LRRTM4: variants seen among roughly 807,000 people sequenced by gnomAD.
LRRTM4 encodes leucine-rich repeat transmembrane neuronal protein 4.
A neutral mutation model predicts 47.6 loss-of-function variants in LRRTM4; 25 were observed. The ratio of observed to expected loss-of-function variants is 0.53; its 90% CI spans 0.38 to 0.73. The LOEUF is 0.73. LRRTM4 is among the 30% of genes least tolerant of loss of function. LRRTM4 has a pLI of 0.00. For synonymous variants in LRRTM4, 311 were observed against 269.5 expected (o/e 1.15, Z -1.51); for missense variants, 638 against 713.4 (o/e 0.89, Z 1.20).
At chr2:76,905,867 T>C (rs1199348017) in intron 3 of LRRTM4, among the ~76,000 whole-genome samples, 1 of 152,156 alleles carries the variant, frequency 6.6e-6, no homozygotes, top group Non-Finnish European at 1.5e-5. Context: ...AATCTACATC[T>C]GATTGGTGTA....
At chr2:77,150,562 T>C (rs1023350891) in intron 3 of LRRTM4, among the ~76,000 whole-genome samples, 1 of 152,198 alleles carries the variant, frequency 6.6e-6, no homozygotes, top group Admixed American at 6.5e-5. Flanking sequence ...CTATTATCAG[T>C]TGATACTACA....
intron 3 of LRRTM4, among the ~76,000 whole-genome samples, chr2:77,121,009 C>T (rs981385684): frequency 1.3e-5 from 2 of 151,646 alleles, no homozygotes; most frequent in African/African-American, 4.8e-5. Context: ...TATCTGTGTA[C>T]GGGCTATGTG....
At chr2:76,755,872 C>T (rs1558633878) in intron 3 of LRRTM4, among the ~76,000 whole-genome samples, 1 of 152,102 alleles carries the variant, frequency 6.6e-6, no homozygotes, top group Non-Finnish European at 1.5e-5. Context: ...TCTTTTGGCC[C>T]AGGGGACCTA....
rs1456087884 is a variant in LRRTM4, at chr2:77,060,924, C to T, written c.1552-312008G>A. Among the ~76,000 whole-genome samples, 5 of 152,076 alleles carry T rather than the reference C, an allele frequency of 3.3e-5. No homozygotes were observed. In the East Asian group the frequency reaches 9.6e-4, roughly 29 times the overall value. ...ATATAAATTTATTCTATGCATCTGA[C>T]TTTATTTTCCAATTTAAGTACAGAA... On this transcript the variant is annotated intron_variant, in intron 3 of 3. Coordinates refer to ENST00000409884, the MANE Select transcript of LRRTM4 (RefSeq NM_001134745.3).
chr2:77,344,354 G>A (rs1671484224), intron 3 of LRRTM4, among the ~76,000 whole-genome samples: 7 of 151,660 alleles, frequency 4.6e-5, no homozygotes, highest in Admixed American at 2.6e-4. Context: ...TAAAGACACA[G>A]CAAGTTCAAG....
chr2:77,348,742 C>T (rs58530050), intron 3 of LRRTM4, among the ~76,000 whole-genome samples: 30,181 of 149,160 alleles, frequency 0.2, 3,630 homozygotes, highest in East Asian at 0.43. Context: ...CTCTTATGTA[C>T]GTTTATAAAA....
chr2:76,815,985 T>A (rs1670885765), intron 3 of LRRTM4, among the ~76,000 whole-genome samples: 1 of 152,060 alleles, frequency 6.6e-6, no homozygotes, highest in South Asian at 2.1e-4. Flanking sequence ...TTATTACTAT[T>A]ATTAATTTTG....
At chr2:76,992,724 T>G (rs1330731398) in intron 3 of LRRTM4, among the ~76,000 whole-genome samples, 1 of 151,540 alleles carries the variant, frequency 6.6e-6, no homozygotes, top group East Asian at 2.0e-4. Flanking sequence ...GATTCAATGC[T>G]ATTCCTATCA....
chr2:77,269,549 C>A (rs1676137540), intron 3 of LRRTM4, among the ~76,000 whole-genome samples: 1 of 152,132 alleles, frequency 6.6e-6, no homozygotes, highest in African/African-American at 2.4e-5. Flanking sequence ...GCTAAACACT[C>A]TAAGCAAGTG....
At chr2:77,131,221 A>G (rs1277728443) in intron 3 of LRRTM4, among the ~76,000 whole-genome samples, 1 of 152,214 alleles carries the variant, frequency 6.6e-6, no homozygotes, top group East Asian at 1.9e-4. Flanking sequence ...ACAAAGCCGC[A>G]AGTAAATGAT....
chr2:77,477,929 AAG>A (rs1448683746), intron 3 of LRRTM4, among the ~76,000 whole-genome samples: 1 of 144,574 alleles, frequency 6.9e-6, no homozygotes, highest in Non-Finnish European at 1.5e-5. Flanking sequence ...GAAAGAAAGA[AAG>A]AAAGAAAGAA....
At chr2:76,872,027 A>C (rs1445526591) in intron 3 of LRRTM4, among the ~76,000 whole-genome samples, 1 of 152,200 alleles carries the variant, frequency 6.6e-6, no homozygotes, top group South Asian at 2.1e-4. Flanking sequence ...AGACCTAGCT[A>C]AGCCATGTCT....
Position 77,519,316 on chromosome 2 carries a change from A to T in LRRTM4, c.553T>A (p.Phe185Ile). 1 of 1,613,528 alleles carries T rather than the reference A, an allele frequency of 6.2e-7. No individual in the cohort carries two copies. Among genetic ancestry groups the T allele is most frequent in the South Asian group, 1.1e-5 (1 of 91,080 alleles). Residue 185 changes from phenylalanine to isoleucine, a missense_variant, in exon 3 of 4, where the codon TTT becomes ATT. Coordinates refer to ENST00000409884, the MANE Select transcript of LRRTM4 (RefSeq NM_001134745.3). The surrounding 1 kb of genome is among the most constrained non-coding windows in gnomAD (Gnocchi z 4.6). ...AGACGATTGTAACCCAAATCCAAAA[A>T]ATCAAGATTCCGACAGTCTTGAAAA... Reference protein sequence around the residue: ...RVFQDCRNLDFLDLGYNRLRS... With the variant: ...RVFQDCRNLDILDLGYNRLRS...
intron 3 of LRRTM4, among the ~76,000 whole-genome samples, chr2:76,946,904 GA>G (rs1558755740): frequency 6.6e-6 from 1 of 151,874 alleles, no homozygotes; most frequent in African/African-American, 2.4e-5. Context: ...TCTGCCAAAT[GA>G]GGCACACTTG....
chr2:77,033,329 GATT>G (rs1678725874), intron 3 of LRRTM4, among the ~76,000 whole-genome samples: 1 of 151,080 alleles, frequency 6.6e-6, no homozygotes, highest in East Asian at 2.0e-4. Context: ...GCCAAGTAAA[GATT>G]ATTAAAAAAA....
chr2:77,181,111 A>G (rs1673335502), intron 3 of LRRTM4, among the ~76,000 whole-genome samples: 1 of 152,200 alleles, frequency 6.6e-6, no homozygotes, highest in Non-Finnish European at 1.5e-5. Context: ...CTAGCAAAGG[A>G]TGACATAAAC....
chr2:77,165,598 A>G (rs961559898), intron 3 of LRRTM4, among the ~76,000 whole-genome samples: 1 of 152,214 alleles, frequency 6.6e-6, no homozygotes, highest in Non-Finnish European at 1.5e-5. Context: ...GCACATCGAA[A>G]AGCTTATCCA....
chr2:76,902,636 T>G (rs1184688507), intron 3 of LRRTM4, among the ~76,000 whole-genome samples: 1 of 152,162 alleles, frequency 6.6e-6, no homozygotes, highest in African/African-American at 2.4e-5. Flanking sequence ...AAAGACAACA[T>G]AAAGAGACTT....
At chr2:77,289,244 T>C (rs1211747709) in intron 3 of LRRTM4, among the ~76,000 whole-genome samples, 1 of 152,028 alleles carries the variant, frequency 6.6e-6, no homozygotes, top group Non-Finnish European at 1.5e-5. Flanking sequence ...GTTACAACAA[T>C]ATGTCCTAAT....
Sources: gnomAD v4.1 joint callset for allele counts (sites outside exome capture counted in the v4.1 genomes callset) on GRCh38, gnomAD v4.1.1 for gene constraint, Gnocchi (gnomAD v3.1) non-coding constraint, MANE v1.5 for transcripts, NCBI Gene and HGNC (gene_info 2026-07-23, HGNC 2026-07-21) for gene names.